Variants in EEF1AKMT1 observed in about 807,000 individuals in gnomAD.
The protein encoded by EEF1AKMT1 is N-6 adenine-specific DNA methyltransferase 2 (putative).
EEF1AKMT1 carries 18 observed loss-of-function variants against 21.0 expected under a neutral mutation model. The observed-to-expected ratio is 0.86, with a 90% CI of 0.59 to 1.27. The LOEUF (loss-of-function observed/expected upper bound fraction) is 1.27, where lower values mean the gene tolerates loss of function less well. Among genes scored for constraint, EEF1AKMT1 ranks in the 50% most tolerant of loss-of-function variants. EEF1AKMT1 has a pLI of 0.00. For synonymous variants in EEF1AKMT1, 109 were observed against 94.8 expected (o/e 1.15, Z -0.87); for missense variants, 246 against 258.6 (o/e 0.95, Z 0.33).
chr13:20,732,009 C>T lies in EEF1AKMT1; in HGVS notation c.340G>A (p.Glu114Lys). Residue 114 changes from glutamate (E) to lysine (K), a missense_variant, in exon 4 of 5, where the codon GAG (glutamate) becomes AAG (lysine). Transcript: ENST00000382758. ...TTATTGTAATCATAGAAAATAAACT[C>T]CTCTCCATACATGGCAAATCTTTTG... ...YDKRFAMYGE[E>K]FIFYDYNNPL... 2.5e-6 allele frequency: 4 copies of T among 1,613,930 alleles called. No individual in the cohort carries two copies. Among genetic ancestry groups the T allele is most frequent in the Non-Finnish European group, 3.4e-6 (4 of 1,179,784 alleles).
intron 2 of EEF1AKMT1, among the ~76,000 whole-genome samples, chr13:20,742,898 T>C (rs2058880102): frequency 6.6e-6 from 1 of 152,176 alleles, no homozygotes; most frequent in South Asian, 2.1e-4. Flanking sequence ...ATGAGACAAA[T>C]ATTTTCTCCT....
intron 1 of EEF1AKMT1, among the ~76,000 whole-genome samples, chr13:20,764,015 C>T (rs953367566): frequency 4.0e-5 from 6 of 151,884 alleles, no homozygotes; most frequent in African/African-American, 1.5e-4. Context: ...TTTTTTCTTA[C>T]TAAAGGTTCA....
chr13:20,735,219 A>C (rs1228262334), intron 3 of EEF1AKMT1, among the ~76,000 whole-genome samples: 1 of 152,174 alleles, frequency 6.6e-6, no homozygotes, highest in African/African-American at 2.4e-5. Flanking sequence ...GAACCCGGTA[A>C]CTCAAGAAGC....
At chr13:20,738,713 G>A (rs1431140407) in intron 2 of EEF1AKMT1, among the ~76,000 whole-genome samples, 3 of 152,188 alleles carry the variant, frequency 2.0e-5, no homozygotes, top group African/African-American at 2.4e-5. Context: ...TACACTGAAC[G>A]AAAGAAATCA....
intron 2 of EEF1AKMT1, among the ~76,000 whole-genome samples, chr13:20,738,707 C>G (rs527465466): frequency 3.2e-4 from 49 of 152,276 alleles, no homozygotes; most frequent in African/African-American, 1.2e-3. Context: ...AAACATTACA[C>G]TGAACGAAAG....
chr13:20,738,708 T>C (rs1181185735), intron 2 of EEF1AKMT1, among the ~76,000 whole-genome samples: 1 of 152,210 alleles, frequency 6.6e-6, no homozygotes, highest in Non-Finnish European at 1.5e-5. Context: ...AACATTACAC[T>C]GAACGAAAGA....
chr13:20,757,302 G>A, intron 2 of EEF1AKMT1, 153 bp downstream of exon 2: 3 of 765,904 alleles, frequency 3.9e-6, no homozygotes, highest in South Asian at 2.1e-5. Flanking sequence ...TTCACTGACT[G>A]CTTTCTGTCT....
At chr13:20,757,145 G>A in intron 2 of EEF1AKMT1, 1 of 203,186 alleles carries the variant, frequency 4.9e-6, no homozygotes, top group East Asian at 1.1e-4. Flanking sequence ...GCCAGCTGAG[G>A]GTCCCCGGCT....
At chr13:20,739,702 C>T (rs1043606296) in intron 2 of EEF1AKMT1, among the ~76,000 whole-genome samples, 2 of 151,838 alleles carry the variant, frequency 1.3e-5, no homozygotes, top group Non-Finnish European at 2.9e-5. Flanking sequence ...TAGCTAGACA[C>T]AAAAGTTCTC....
intron 1 of EEF1AKMT1, among the ~76,000 whole-genome samples, chr13:20,766,573 G>A (rs1481843166): frequency 6.6e-6 from 1 of 152,124 alleles, no homozygotes; most frequent in Non-Finnish European, 1.5e-5. Context: ...TGTAATCCCA[G>A]CACTTTGGGA....
intron 2 of EEF1AKMT1, among the ~76,000 whole-genome samples, chr13:20,742,356 GA>G (rs147300261): frequency 4.7e-5 from 7 of 148,256 alleles, no homozygotes; most frequent in Non-Finnish European, 9.0e-5. Context: ...CAGTCTTTGA[GA>G]AAAAAAAAAT....
intron 1 of EEF1AKMT1, among the ~76,000 whole-genome samples, chr13:20,765,253 C>T (rs1233588890): frequency 6.6e-6 from 1 of 151,924 alleles, no homozygotes; most frequent in South Asian, 2.1e-4. Flanking sequence ...GTGCAAGACT[C>T]CAACTCGAAA....
chr13:20,738,635 A>C (rs1227989316), intron 2 of EEF1AKMT1, among the ~76,000 whole-genome samples: 2 of 152,230 alleles, frequency 1.3e-5, no homozygotes, highest in Non-Finnish European at 2.9e-5. Flanking sequence ...CCCTACAATG[A>C]AATATTATTT....
chr13:20,762,153 A>C (rs1467502295), intron 1 of EEF1AKMT1, among the ~76,000 whole-genome samples: 1 of 144,446 alleles, frequency 6.9e-6, no homozygotes, highest in African/African-American at 2.5e-5. Context: ...TATTTAGTTC[A>C]TCTTTGATGT....
At chr13:20,764,990 A>AG (rs1169053873) in intron 1 of EEF1AKMT1, among the ~76,000 whole-genome samples, 1 of 151,794 alleles carries the variant, frequency 6.6e-6, no homozygotes, top group African/African-American at 2.4e-5. Context: ...GGCCAGGCAC[A>AG]GTGGCTCACG....
chr13:20,770,509 AC>A, intron 1 of EEF1AKMT1, among the ~76,000 whole-genome samples: 1 of 152,376 alleles, frequency 6.6e-6, no homozygotes, highest in South Asian at 2.1e-4. Flanking sequence ...GCACAAAAAC[AC>A]ATTTTCAGGA....
intron 2 of EEF1AKMT1, among the ~76,000 whole-genome samples, chr13:20,754,741 CAAAA>C (rs56777421): frequency 3.6e-3 from 421 of 116,558 alleles, no homozygotes; most frequent in East Asian, 0.012. Flanking sequence ...ACCAAAAATA[CAAAA>C]AAAAAAAAAA....
Position 20,732,128 on chromosome 13 carries a change from G to A in EEF1AKMT1, c.228-7C>T. The A allele has an allele frequency of 1.2e-6, 2 of 1,602,066 alleles. No individual in the cohort carries two copies. The highest frequency in any genetic ancestry group is 1.7e-6 in the Non-Finnish European group (2 of 1,174,622). ...GGCACTCACACATGCGATTCTAGGA[G>A]ACAAAATGAACACACCATGAAACAT... On this transcript the variant is annotated splice_polypyrimidine_tract_variant and splice_region_variant and intron_variant, in intron 3 of 4. Transcript: ENST00000382758.
chr13:20,759,463 C>G (rs2058987817), intron 1 of EEF1AKMT1, among the ~76,000 whole-genome samples: 2 of 151,960 alleles, frequency 1.3e-5, no homozygotes, highest in Non-Finnish European at 2.9e-5. Context: ...ATCTGTAGTC[C>G]CAGCTACCCG....
Sources: gnomAD v4.1 joint callset for allele counts (sites outside exome capture counted in the v4.1 genomes callset) on GRCh38, gnomAD v4.1.1 for gene constraint, MANE v1.5 for transcripts, NCBI Gene and HGNC (gene_info 2026-07-23, HGNC 2026-07-21) for gene names.